GALNT17: variants seen among roughly 807,000 people sequenced by gnomAD.
GALNT17 encodes the protein UDP-GalNAc:polypeptide N-acetylgalactosaminyltransferase-like 3.
GALNT17 carries 29 observed loss-of-function variants against 63.7 expected under a neutral mutation model. That is an observed-to-expected ratio of 0.46 (90% CI 0.34 to 0.62). The LOEUF (loss-of-function observed/expected upper bound fraction) is 0.62. Among genes scored for constraint, GALNT17 ranks in the 20% least tolerant of loss-of-function variants. The pLI, the probability that GALNT17 is intolerant of heterozygous loss-of-function variation, is 0.01. For synonymous variants in GALNT17, 305 were observed against 318.3 expected, an observed-to-expected ratio of 0.96 and a Z score of 0.45; for missense variants, 603 against 799.6, an observed-to-expected ratio of 0.75 and a Z score of 2.97.
In GALNT17 at chr7:71,423,150, A is replaced by G. The variant is rs545380049; in HGVS notation, c.962+2045A>G. On this transcript the variant is annotated intron_variant, in intron 5 of 10. Coordinates refer to ENST00000333538, the MANE Select transcript of GALNT17 (RefSeq NM_022479.3). ...GATGGGGGACAGGGTATGGTGGGCC[A>G]AAGGGCAACTTTTTCAGTGCGAAAA... Among the ~76,000 whole-genome samples the G allele has an allele frequency of 1.6e-4, 24 of 152,274 alleles. No individual in the cohort carries two copies. The East Asian group carries it at 2.9e-3, about 18-fold the overall frequency.
At chr7:71,387,574 C>A (rs186339160) in intron 2 of GALNT17, among the ~76,000 whole-genome samples, 1 of 152,130 alleles carries the variant, frequency 6.6e-6, no homozygotes, top group South Asian at 2.1e-4. Flanking sequence ...GACGCTCCCA[C>A]GTCGGCCTCC....
chr7:71,398,823 G>A (rs1360276719), intron 3 of GALNT17, among the ~76,000 whole-genome samples: 3 of 152,214 alleles, frequency 2.0e-5, no homozygotes, highest in Non-Finnish European at 4.4e-5. Context: ...GGTTAAAATA[G>A]TAAATTTCAT....
intron 5 of GALNT17, among the ~76,000 whole-genome samples, chr7:71,558,667 A>C (rs1056019607): frequency 1.3e-5 from 2 of 152,204 alleles, no homozygotes; most frequent in Admixed American, 6.5e-5. Flanking sequence ...CCACTTCTTA[A>C]GAAGCATAGT....
intron 4 of GALNT17, among the ~76,000 whole-genome samples, chr7:71,420,161 G>A (rs1786635876): frequency 2.0e-5 from 3 of 152,278 alleles, no homozygotes; most frequent in South Asian, 2.1e-4. Flanking sequence ...CGATGGTGGA[G>A]GTGTCTGGCC....
intron 2 of GALNT17, among the ~76,000 whole-genome samples, chr7:71,378,313 C>G (rs1792782531): frequency 6.6e-6 from 1 of 152,170 alleles, no homozygotes; most frequent in Non-Finnish European, 1.5e-5. Flanking sequence ...CCTCGCACCT[C>G]TCAGTGATTC....
At chr7:71,243,505 CTT>C (rs938263251) in intron 1 of GALNT17, among the ~76,000 whole-genome samples, 34 of 152,190 alleles carry the variant, frequency 2.2e-4, no homozygotes, top group Admixed American at 2.2e-3. Context: ...CTAAAGGTTT[CTT>C]TTCCACAAGC....
intron 9 of GALNT17, among the ~76,000 whole-genome samples, chr7:71,694,666 G>T (rs1170836313): frequency 6.6e-6 from 1 of 152,194 alleles, no homozygotes; most frequent in Non-Finnish European, 1.5e-5. Flanking sequence ...AAAGTGCTGG[G>T]ATTACAGGCG....
chr7:71,502,005 T>C (rs1049287779), intron 5 of GALNT17, among the ~76,000 whole-genome samples: 6 of 152,318 alleles, frequency 3.9e-5, no homozygotes, highest in Non-Finnish European at 7.3e-5. Flanking sequence ...TCCATGTCTT[T>C]GTAGTTTTGC....
At chr7:71,195,231 T>C (rs574846683) in intron 1 of GALNT17, among the ~76,000 whole-genome samples, 1 of 152,312 alleles carries the variant, frequency 6.6e-6, no homozygotes, top group East Asian at 1.9e-4. Flanking sequence ...TATTTATTTT[T>C]TTCAGATGAA....
chr7:71,709,586 T>TTTG (rs1554327327), intron 9 of GALNT17, among the ~76,000 whole-genome samples: 1 of 147,378 alleles, frequency 6.8e-6, no homozygotes, highest in East Asian at 1.9e-4. Flanking sequence ...GGGTTTTTTT[T>TTTG]TTTGTTTTTT....
chr7:71,532,923 C>T (rs1788744668), intron 5 of GALNT17, among the ~76,000 whole-genome samples: 1 of 152,190 alleles, frequency 6.6e-6, no homozygotes, highest in South Asian at 2.1e-4. Context: ...ATACAAAGTT[C>T]TTCATTTTTG....
rs1464484073 is a variant in GALNT17 at position 71,149,761 on chromosome 7, T to G, written c.238+16721T>G. 4.6e-5 allele frequency among the ~76,000 whole-genome samples: 7 copies of G among 152,214 alleles called. No homozygotes were observed. In the East Asian group the frequency reaches 9.6e-4, roughly 21 times the overall value. On this transcript the variant is annotated intron_variant, in intron 1 of 10. Coordinates refer to ENST00000333538, the MANE Select transcript of GALNT17 (RefSeq NM_022479.3). ...TGCTGACAAGTGCACGTTGTCAATT[T>G]CTTCTTCATTTGGGCGACTGTCAGC...
chr7:71,688,376 C>T (rs976598937), intron 9 of GALNT17, among the ~76,000 whole-genome samples: 3 of 152,122 alleles, frequency 2.0e-5, no homozygotes, highest in African/African-American at 7.2e-5. Context: ...CCTGTGTGTA[C>T]ACTCCTTGCA....
intron 1 of GALNT17, among the ~76,000 whole-genome samples, chr7:71,184,823 G>C (rs1788803677): frequency 6.6e-6 from 1 of 152,146 alleles, no homozygotes; most frequent in South Asian, 2.1e-4. Context: ...AAATAATGTG[G>C]TAAATGATGG....
intron 1 of GALNT17, among the ~76,000 whole-genome samples, chr7:71,282,962 T>C: frequency 6.6e-6 from 1 of 150,884 alleles, no homozygotes; most frequent in East Asian, 1.9e-4. Context: ...GCAGGACATA[T>C]AGAGGGTGGT....
chr7:71,401,713 A>T (rs987095935), intron 3 of GALNT17, among the ~76,000 whole-genome samples: 3 of 152,126 alleles, frequency 2.0e-5, no homozygotes, highest in African/African-American at 7.2e-5. Flanking sequence ...CGCGCTCCTT[A>T]TGAGAATCTA....
chr7:71,563,172 T>A (rs1196356686), intron 5 of GALNT17, among the ~76,000 whole-genome samples: 2 of 152,234 alleles, frequency 1.3e-5, no homozygotes, highest in African/African-American at 4.8e-5. Context: ...TCCCTTAATA[T>A]GATTATCATT....
At chr7:71,152,182 A>T (rs1352073467) in intron 1 of GALNT17, among the ~76,000 whole-genome samples, 1 of 152,130 alleles carries the variant, frequency 6.6e-6, no homozygotes, top group Non-Finnish European at 1.5e-5. Flanking sequence ...GACTAATAAA[A>T]TACACAAATC....
intron 6 of GALNT17, among the ~76,000 whole-genome samples, chr7:71,663,805 T>A (rs1237435820): frequency 6.6e-6 from 1 of 152,148 alleles, no homozygotes; most frequent in Non-Finnish European, 1.5e-5. Context: ...CCAGTATTCT[T>A]GCTTTGGTGG....
Sources: gnomAD v4.1 joint callset for allele counts (sites outside exome capture counted in the v4.1 genomes callset) on GRCh38, gnomAD v4.1.1 for gene constraint, MANE v1.5 for transcripts, NCBI Gene and HGNC (gene_info 2026-07-23, HGNC 2026-07-21) for gene names.